Variants in CA10 observed in about 807,000 individuals in gnomAD.
CA10 encodes carbonic anhydrase 10 (inactive), also known as carbonic anhydrase-related protein 10.
CA10 carries 14 observed loss-of-function variants against 44.2 expected under a neutral mutation model. The observed-to-expected ratio is 0.32, with a 90% CI of 0.21 to 0.50. The LOEUF (loss-of-function observed/expected upper bound fraction) is 0.50. Ranked by LOEUF, CA10 falls within the 20% of genes least tolerant of loss-of-function variation. The pLI is 0.99. For missense variants in CA10, 350 were observed against 409.7 expected (o/e 0.85, Z 1.26); for synonymous variants, 159 against 141.6 (o/e 1.12, Z -0.87).
At chr17:51,856,553 G>A (rs1979053609) in intron 3 of CA10, among the ~76,000 whole-genome samples, 1 of 152,136 alleles carries the variant, frequency 6.6e-6, no homozygotes, top group Admixed American at 6.6e-5. Flanking sequence ...AGCAGTGACA[G>A]GAGTAGCATA....
At chr17:51,764,227 A>G (rs1306572533) in intron 3 of CA10, among the ~76,000 whole-genome samples, 3 of 152,080 alleles carry the variant, frequency 2.0e-5, no homozygotes, top group East Asian at 1.9e-4. Flanking sequence ...GCCCTTCACA[A>G]TCAGGCTCTG....
At chr17:51,679,872 G>T (rs1914781487) in intron 4 of CA10, among the ~76,000 whole-genome samples, 1 of 152,102 alleles carries the variant, frequency 6.6e-6, no homozygotes, top group Non-Finnish European at 1.5e-5. Context: ...AAATGGTTGG[G>T]AAAAAACTCA....
chr17:52,081,681 T>C (rs1987983361), intron 1 of CA10, among the ~76,000 whole-genome samples: 1 of 151,176 alleles, frequency 6.6e-6, no homozygotes, highest in Non-Finnish European at 1.5e-5. Context: ...GCGCCTGTAG[T>C]CCCAGCTACT....
chr17:51,852,849 A>G (rs1222131777), intron 3 of CA10, among the ~76,000 whole-genome samples: 1 of 152,164 alleles, frequency 6.6e-6, no homozygotes, highest in Non-Finnish European at 1.5e-5. Context: ...TCATGTTCAG[A>G]TTACTTATTA....
In CA10 at chr17:51,944,889, T is replaced by C. The variant is rs145712922; in HGVS notation, c.137-13757A>G. ...TCTGTTAAACTGATTAATTTTCTTATCACATCTCTTTTCATTAGCAAGGAA... is the reference window on the plus strand; with the variant it reads ...TCTGTTAAACTGATTAATTTTCTTACCACATCTCTTTTCATTAGCAAGGAA... On this transcript the variant is annotated intron_variant, in intron 2 of 8. Transcript: ENST00000451037. Among the ~76,000 whole-genome samples the C allele has an allele frequency of 5.4e-4, 83 of 152,316 alleles. 1 individual carries two copies. In the East Asian group the frequency reaches 9.1e-3, roughly 17 times the overall value.
At chr17:52,133,971 G>A (rs1449801568) in intron 1 of CA10, among the ~76,000 whole-genome samples, 1 of 152,202 alleles carries the variant, frequency 6.6e-6, no homozygotes, top group Non-Finnish European at 1.5e-5. Flanking sequence ...CTATAAAGGT[G>A]TCTTAGCATA....
At chr17:52,088,304 A>C (rs1366819840) in intron 1 of CA10, among the ~76,000 whole-genome samples, 1 of 152,234 alleles carries the variant, frequency 6.6e-6, no homozygotes, top group Non-Finnish European at 1.5e-5. Context: ...GTTATTTAGG[A>C]TAATTAGTTC....
In CA10 at chr17:51,850,611, G is replaced by A. The variant is rs533983047; in HGVS notation, c.279+80379C>T. ...ACTGTCTCCATTTCACGGATGGGAG[G>A]ACCGACAGGCAAGCGTTTGAGTTAC... On this transcript the variant is annotated intron_variant, in intron 3 of 8. Coordinates refer to ENST00000451037, the MANE Select transcript of CA10 (RefSeq NM_020178.5). Among the ~76,000 whole-genome samples, 4 of 152,294 alleles carry A rather than the reference G, an allele frequency of 2.6e-5. No homozygotes were observed. In the South Asian group the frequency reaches 8.3e-4, roughly 32 times the overall value.
intron 2 of CA10, among the ~76,000 whole-genome samples, chr17:51,943,974 C>T (rs1598131288): frequency 6.6e-6 from 1 of 152,196 alleles, no homozygotes; most frequent in East Asian, 1.9e-4. Flanking sequence ...AACAGTATCT[C>T]CTGGTGGGGT....
rs755897590 is a variant in CA10, at chr17:51,635,957, G to A, written c.687C>T (p.Thr229=). The change falls in exon 7 of 9, where the codon ACC becomes ACT. Residue 229 remains threonine (T), a synonymous_variant. Coordinates refer to ENST00000451037, the MANE Select transcript of CA10 (RefSeq NM_020178.5). Reference sequence around the variant, plus strand: ...ACCCATCGTAAGTGATGAAACTAGAGGTCTCTGGATATAGTTCCTCTATAT... The same window carrying A: ...ACCCATCGTAAGTGATGAAACTAGAAGTCTCTGGATATAGTTCCTCTATAT... ...GLNIEELYPE[T]SSFITYDGSM... 8.1e-6 allele frequency: 13 copies of A among 1,608,254 alleles called. No homozygotes were observed. The highest frequency in any genetic ancestry group is 1.1e-5 in the Non-Finnish European group (13 of 1,176,068).
chr17:52,007,616 A>G (rs1985645802), intron 2 of CA10, among the ~76,000 whole-genome samples: 1 of 151,608 alleles, frequency 6.6e-6, no homozygotes, highest in Non-Finnish European at 1.5e-5. Context: ...TGTATTTATA[A>G]TACTCTGTTG....
At chr17:51,882,925 G>T (rs548237750) in intron 3 of CA10, among the ~76,000 whole-genome samples, 1 of 152,292 alleles carries the variant, frequency 6.6e-6, no homozygotes, top group South Asian at 2.1e-4. Context: ...AAAAAGTTGT[G>T]CTCCCAACAG....
chr17:52,049,258 T>C (rs1366809969), intron 2 of CA10, among the ~76,000 whole-genome samples: 1 of 152,036 alleles, frequency 6.6e-6, no homozygotes, highest in Non-Finnish European at 1.5e-5. Context: ...GTACTCAGAA[T>C]GTGAATTCTG....
At chr17:52,104,074 C>T (rs1988602141) in intron 1 of CA10, among the ~76,000 whole-genome samples, 2 of 152,210 alleles carry the variant, frequency 1.3e-5, no homozygotes, top group Admixed American at 6.5e-5. Flanking sequence ...ACCTGCCTCA[C>T]AAGTCTAATG....
intron 3 of CA10, among the ~76,000 whole-genome samples, chr17:51,887,520 C>A (rs2143901355): frequency 6.6e-6 from 1 of 152,288 alleles, no homozygotes; most frequent in Non-Finnish European, 1.5e-5. Flanking sequence ...TTTGGACTAA[C>A]AAATAACATG....
At chr17:51,719,946 T>A (rs1916299713) in intron 4 of CA10, among the ~76,000 whole-genome samples, 1 of 152,158 alleles carries the variant, frequency 6.6e-6, no homozygotes, top group Non-Finnish European at 1.5e-5. Flanking sequence ...AAGTGGGCTT[T>A]GATCCAGATA....
At chr17:51,722,229 C>A (rs1916371383) in intron 4 of CA10, among the ~76,000 whole-genome samples, 1 of 152,096 alleles carries the variant, frequency 6.6e-6, no homozygotes, top group Non-Finnish European at 1.5e-5. Context: ...ATTTCAGAGA[C>A]AGCTGAATTG....
chr17:52,106,497 G>C (rs1376318281), intron 1 of CA10, among the ~76,000 whole-genome samples: 1 of 152,140 alleles, frequency 6.6e-6, no homozygotes, highest in African/African-American at 2.4e-5. Flanking sequence ...TTTCGTTGTT[G>C]TTAATATGAA....
intron 3 of CA10, among the ~76,000 whole-genome samples, chr17:51,817,936 T>G (rs1907627795): frequency 6.6e-6 from 1 of 152,238 alleles, no homozygotes; most frequent in South Asian, 2.1e-4. Context: ...AATTGTAACC[T>G]AGCTTGATTC....
Sources: allele counts gnomAD v4.1 joint callset (sites outside exome capture counted in the v4.1 genomes callset), GRCh38; gene constraint gnomAD v4.1.1; transcripts MANE v1.5; gene names NCBI Gene and HGNC (gene_info 2026-07-23, HGNC 2026-07-21).